The following NAV1 variants were observed in gnomAD, a reference collection of about 807,000 sequenced individuals.
The protein encoded by NAV1 is neuron navigator 1, also known as pore membrane and/or filament interacting like protein 3.
NAV1 carries 18 observed loss-of-function variants against 175.2 expected under a neutral mutation model. The observed-to-expected ratio is 0.10, with a 90% CI of 0.07 to 0.15. The LOEUF is 0.15. NAV1 is among the 10% of genes least tolerant of loss of function. The pLI, the probability that NAV1 is intolerant of heterozygous loss-of-function variation, is 1.00. For synonymous variants in NAV1, 897 were observed against 978.7 expected (o/e 0.92, Z 1.56); for missense variants, 1,731 against 2,436.6 (o/e 0.71, Z 6.10).
intron 1 of NAV1, among the ~76,000 whole-genome samples, chr1:201,551,758 T>C (rs969981973): frequency 2.6e-5 from 4 of 152,166 alleles, no homozygotes; most frequent in Non-Finnish European, 5.9e-5. Flanking sequence ...CGTTTTGAGG[T>C]TCTGTTTCTC....
chr1:201,620,868 C>T (rs1668149110), upstream of NAV1, among the ~76,000 whole-genome samples: 1 of 152,130 alleles, frequency 6.6e-6, no homozygotes, highest in Non-Finnish European at 1.5e-5. Context: ...TGCATCTCTT[C>T]AATTTCTAAT....
At chr1:201,715,770 T>C (rs540950380) in intron 2 of NAV1, among the ~76,000 whole-genome samples, 1 of 152,336 alleles carries the variant, frequency 6.6e-6, no homozygotes, top group East Asian at 1.9e-4. Flanking sequence ...GATAACTGGA[T>C]TCCATTCCTT....
intron 1 of NAV1, among the ~76,000 whole-genome samples, chr1:201,707,638 C>T (rs1671725492): frequency 6.6e-6 from 1 of 152,208 alleles, no homozygotes; most frequent in South Asian, 2.1e-4. Flanking sequence ...CCTGGGGAAG[C>T]CTGTTTCCCC....
intron 1 of NAV1, among the ~76,000 whole-genome samples, chr1:201,658,326 G>A (rs1337673187): frequency 6.6e-6 from 1 of 152,152 alleles, no homozygotes; most frequent in Non-Finnish European, 1.5e-5. Context: ...GAAGAAGCCA[G>A]AAAGGGCAAC....
intron 1 of NAV1, among the ~76,000 whole-genome samples, chr1:201,553,017 G>C (rs1335865535): frequency 6.6e-6 from 1 of 152,182 alleles, no homozygotes; most frequent in Admixed American, 6.5e-5. Flanking sequence ...GTGGCCTGGG[G>C]TTTTGTTTGG....
At chr1:201,753,838 ATTG>A (rs1674291242) in intron 3 of NAV1, among the ~76,000 whole-genome samples, 1 of 152,304 alleles carries the variant, frequency 6.6e-6, no homozygotes, top group East Asian at 1.9e-4. Flanking sequence ...GCATATGATT[ATTG>A]TTGTTACACA....
intron 1 of NAV1, among the ~76,000 whole-genome samples, chr1:201,662,961 G>C (rs550049130): frequency 1.2e-5 from 1 of 83,790 alleles, no homozygotes; most frequent in African/African-American, 4.4e-5. Context: ...GGAAAGGGAC[G>C]AAGTTTTCTA....
chr1:201,823,530 C>T (rs748034702), exon 30 of NAV1: 2 of 152,296 alleles, frequency 1.3e-5, no homozygotes, highest in East Asian at 1.9e-4. Context: ...TCCTTAAGTA[C>T]CCATGTCTTT....
chr1:201,758,041 G>A (rs1285440540), intron 3 of NAV1, among the ~76,000 whole-genome samples: 2 of 152,148 alleles, frequency 1.3e-5, no homozygotes, highest in African/African-American at 2.4e-5. Flanking sequence ...GGACTCATCC[G>A]GCATTTTTTT....
intron 3 of NAV1, among the ~76,000 whole-genome samples, chr1:201,764,198 C>A (rs1647818478): frequency 6.6e-6 from 1 of 152,166 alleles, no homozygotes; most frequent in African/African-American, 2.4e-5. Flanking sequence ...GGGATATTGA[C>A]ATGTAGATAA....
intron 1 of NAV1, among the ~76,000 whole-genome samples, chr1:201,675,980 C>T (rs1670234737): frequency 6.6e-6 from 1 of 152,232 alleles, no homozygotes; most frequent in Non-Finnish European, 1.5e-5. Flanking sequence ...ACCTAAAGCT[C>T]TTTTCACTTC....
At chr1:201,612,574 A>C (rs994747682) in intron 2 of NAV1, among the ~76,000 whole-genome samples, 2 of 152,190 alleles carry the variant, frequency 1.3e-5, no homozygotes, top group Admixed American at 6.5e-5. Context: ...TTCCCCATAG[A>C]TGGTGACATC....
chr1:201,640,814 G>T (rs1055423086), intron 2 of NAV1, among the ~76,000 whole-genome samples: 1 of 152,200 alleles, frequency 6.6e-6, no homozygotes, highest in African/African-American at 2.4e-5. Flanking sequence ...TCTGTTCCGA[G>T]TCACGCATTC....
At chr1:201,623,167 C>A (rs1333790541) in exon 1 of NAV1, 1 of 985,790 alleles carries the variant, frequency 1.0e-6, no homozygotes, top group Non-Finnish European at 1.2e-6. Flanking sequence ...TGGGGAAGGC[C>A]CCTTCAGCTC....
upstream of NAV1, among the ~76,000 whole-genome samples, chr1:201,647,995 C>A (rs949466604): frequency 6.6e-6 from 1 of 151,926 alleles, no homozygotes; most frequent in East Asian, 1.9e-4. Flanking sequence ...AACTGCTTTT[C>A]CTTTATTTCC....
rs146428963 is a variant in NAV1, at chr1:201,764,984, A to C, written c.1227-15437A>C. On this transcript the variant is annotated intron_variant, in intron 3 of 29. Transcript: ENST00000367296. ...CTATTGCCACCATTAAAAACACTTG[A>C]ACCTTTATCAGAAAGGAGAGTGAGC... 1.7e-3 allele frequency among the ~76,000 whole-genome samples: 259 copies of C among 152,316 alleles called. 2 individuals carry two copies. Among genetic ancestry groups the C allele is most frequent in the African/African-American group, 6.0e-3 (251 of 41,574 alleles).
chr1:201,661,489 A>G (rs966190685), intron 1 of NAV1, among the ~76,000 whole-genome samples: 8 of 152,208 alleles, frequency 5.3e-5, no homozygotes, highest in Admixed American at 6.5e-5. Flanking sequence ...GAGGATAACT[A>G]GAATGGTCTG....
At chr1:201,610,547 G>GAAC (rs1667815222) in intron 2 of NAV1, among the ~76,000 whole-genome samples, 1 of 152,224 alleles carries the variant, frequency 6.6e-6, no homozygotes, top group Admixed American at 6.5e-5. Context: ...GGAATGCAGT[G>GAAC]AACATCTCCT....
At position 201,787,830 on chromosome 1, in the gene NAV1, C is replaced by T. The variant is rs1374921980; in HGVS notation, c.2996-638C>T. 7.4e-6 allele frequency: 3 copies of T among 405,234 alleles called. No individual in the cohort carries two copies. Among genetic ancestry groups the T allele is most frequent in the East Asian group, 7.2e-5 (1 of 13,940 alleles). The allele number at this position is 405,234 out of a possible 1,614,324, so 25.1% of individuals were successfully genotyped here. On this transcript the variant is annotated intron_variant, in intron 9 of 29. Coordinates refer to ENST00000367296, the Ensembl canonical transcript of NAV1. This position sits in a 1 kb window ranked among gnomAD's most constrained non-coding sequence, Gnocchi z 4.3. ...CCAGCTTCAAAGCACATTCCACAAG[C>T]CTTACCTGACACTTTCACCTGCTCT...
Sources: gnomAD v4.1 joint callset for allele counts (sites outside exome capture counted in the v4.1 genomes callset) on GRCh38, gnomAD v4.1.1 for gene constraint, Gnocchi (gnomAD v3.1) non-coding constraint, MANE v1.5 for transcripts, NCBI Gene and HGNC (gene_info 2026-07-23, HGNC 2026-07-21) for gene names.